NKAIN2: variants seen among roughly 807,000 people sequenced by gnomAD.
NKAIN2 encodes the protein sodium/potassium transporting ATPase interacting 2.
A neutral mutation model predicts 32.6 loss-of-function variants in NKAIN2; 14 were observed. The observed-to-expected ratio is 0.43, with a 90% CI of 0.28 to 0.67. The LOEUF (loss-of-function observed/expected upper bound fraction) is 0.67, where lower values mean the gene tolerates loss of function less well. NKAIN2 is among the 30% of genes least tolerant of loss of function. The probability of loss-of-function intolerance (pLI) is 0.17; values close to 1 mark genes in which losing one functional copy is unlikely to be tolerated. For missense variants in NKAIN2, 198 were observed against 258.3 expected, an observed-to-expected ratio of 0.77 and a Z score of 1.60; for synonymous variants, 80 against 87.2, an observed-to-expected ratio of 0.92 and a Z score of 0.46.
At chr6:124,717,912 T>G (rs565394162) in intron 4 of NKAIN2, among the ~76,000 whole-genome samples, 1 of 152,310 alleles carries the variant, frequency 6.6e-6, no homozygotes, top group South Asian at 2.1e-4. Flanking sequence ...GTTGCTATTC[T>G]GGAGGAGGTG....
At chr6:123,835,288 T>C (rs1298650707) in intron 1 of NKAIN2, among the ~76,000 whole-genome samples, 2 of 152,158 alleles carry the variant, frequency 1.3e-5, no homozygotes, top group Admixed American at 6.5e-5. Context: ...GACTGATCAG[T>C]TTATTCATGT....
intron 4 of NKAIN2, among the ~76,000 whole-genome samples, chr6:124,742,870 C>T (rs1031520453): frequency 5.9e-5 from 9 of 151,832 alleles, no homozygotes; most frequent in Non-Finnish European, 1.3e-4. Context: ...AGGGCAATTA[C>T]TTTTTGTAAA....
At chr6:124,139,124 C>T (rs1291129317) in intron 1 of NKAIN2, among the ~76,000 whole-genome samples, 1 of 128,088 alleles carries the variant, frequency 7.8e-6, no homozygotes, top group Non-Finnish European at 1.6e-5. Context: ...CTCTGTCGCC[C>T]AGGCCGGACT....
At chr6:123,823,413 G>C (rs1774007161) in intron 1 of NKAIN2, 1 of 152,200 alleles carries the variant, frequency 6.6e-6, no homozygotes, top group African/African-American at 2.4e-5. Flanking sequence ...TGCTAGGTCA[G>C]TTCTCAGAGA....
intron 3 of NKAIN2, among the ~76,000 whole-genome samples, chr6:124,402,566 A>C (rs1345896374): frequency 1.3e-5 from 2 of 152,220 alleles, no homozygotes; most frequent in Non-Finnish European, 2.9e-5. Context: ...ACATATTCTT[A>C]CTGGATAAAG....
At chr6:124,416,391 T>C (rs1562170492) in intron 3 of NKAIN2, among the ~76,000 whole-genome samples, 1 of 152,156 alleles carries the variant, frequency 6.6e-6, no homozygotes, top group Non-Finnish European at 1.5e-5. Context: ...TACCTGTAAT[T>C]GTAGCACTTT....
At chr6:124,394,505 A>AGATT (rs770381328) in intron 3 of NKAIN2, among the ~76,000 whole-genome samples, 2 of 144,528 alleles carry the variant, frequency 1.4e-5, no homozygotes, top group Non-Finnish European at 1.6e-5. Flanking sequence ...ATAGATAGAT[A>AGATT]GATTAGATAG....
At chr6:124,703,124 TAA>T (rs1189180548) in intron 4 of NKAIN2, among the ~76,000 whole-genome samples, 4 of 152,190 alleles carry the variant, frequency 2.6e-5, no homozygotes, top group African/African-American at 9.6e-5. Context: ...AGCAAAGTCA[TAA>T]ACCTTTTACA....
At chr6:124,530,814 A>G (rs941813538) in intron 3 of NKAIN2, among the ~76,000 whole-genome samples, 8 of 152,108 alleles carry the variant, frequency 5.3e-5, no homozygotes, top group South Asian at 2.1e-4. Context: ...TTAGAGTCCA[A>G]AGCTCCAAGA....
intron 3 of NKAIN2, among the ~76,000 whole-genome samples, chr6:124,629,978 C>A (rs191430344): frequency 1.3e-5 from 2 of 152,040 alleles, no homozygotes; most frequent in Non-Finnish European, 2.9e-5. Flanking sequence ...GACTACAAGG[C>A]CCAGGATCTG....
intron 3 of NKAIN2, among the ~76,000 whole-genome samples, chr6:124,537,512 T>C (rs1779760387): frequency 6.6e-6 from 1 of 152,232 alleles, no homozygotes; most frequent in South Asian, 2.1e-4. Context: ...CTTTATTGTT[T>C]GCAGTATTTT....
chr6:124,250,591 T>G (rs1158037804), intron 1 of NKAIN2, among the ~76,000 whole-genome samples: 2 of 152,008 alleles, frequency 1.3e-5, no homozygotes, highest in African/African-American at 4.8e-5. Context: ...GAATTCCAAG[T>G]GCAGGAAAAT....
chr6:124,821,514 A>G (rs1340144227), intron 6 of NKAIN2, among the ~76,000 whole-genome samples: 1 of 152,180 alleles, frequency 6.6e-6, no homozygotes. Flanking sequence ...TTATAATTCT[A>G]ATGGGCTTTA....
rs564427553 is a variant in NKAIN2 at position 124,571,941 on chromosome 6, CTCT to C, written c.274-86238_274-86236del. The stretch of plus-strand genomic sequence containing the variant: ...GGCAGATCATTTATTTCTTATTCCT[CTCT>C]TCTTCTCCCACTCACTCTGCCCTTC... On this transcript the variant is annotated intron_variant, in intron 3 of 6. Coordinates refer to ENST00000368417, the MANE Select transcript of NKAIN2 (RefSeq NM_001040214.3). Among the ~76,000 whole-genome samples the C allele has an allele frequency of 2.8e-4, 43 of 152,318 alleles. No individual in the cohort carries two copies. The South Asian group carries it at 7.9e-3, about 28-fold the overall frequency.
intron 1 of NKAIN2, among the ~76,000 whole-genome samples, chr6:124,015,501 A>G (rs1780524259): frequency 6.6e-6 from 1 of 152,196 alleles, no homozygotes; most frequent in African/African-American, 2.4e-5. Context: ...GAAGTCACAC[A>G]GTATGCTTCA....
intron 1 of NKAIN2, among the ~76,000 whole-genome samples, chr6:123,963,531 A>T (rs113059439): frequency 0.014 from 2,123 of 152,278 alleles, 18 homozygotes; most frequent in African/African-American, 0.022. Flanking sequence ...ACATCTCTCA[A>T]TTATAAAATG....
chr6:123,888,555 C>T (rs1239535286), intron 1 of NKAIN2, among the ~76,000 whole-genome samples: 1 of 152,080 alleles, frequency 6.6e-6, no homozygotes, highest in African/African-American at 2.4e-5. Flanking sequence ...TCTTTTGTCT[C>T]TTGCCACAAT....
intron 4 of NKAIN2, among the ~76,000 whole-genome samples, chr6:124,740,020 A>G (rs1284553282): frequency 1.3e-5 from 2 of 151,756 alleles, no homozygotes; most frequent in Non-Finnish European, 2.9e-5. Context: ...GCCTGGAGAG[A>G]CACTTGTTTA....
intron 1 of NKAIN2, among the ~76,000 whole-genome samples, chr6:124,009,727 A>G (rs765203770): frequency 2.6e-5 from 4 of 152,196 alleles, no homozygotes; most frequent in Admixed American, 6.6e-5. Flanking sequence ...CATAAAATAA[A>G]TAGGAACATT....
Sources: gnomAD v4.1 joint callset for allele counts (sites outside exome capture counted in the v4.1 genomes callset) on GRCh38, gnomAD v4.1.1 for gene constraint, MANE v1.5 for transcripts, NCBI Gene and HGNC (gene_info 2026-07-23, HGNC 2026-07-21) for gene names.